The following RUFY2 variants were observed in gnomAD, a reference collection of about 807,000 sequenced individuals.
RUFY2 encodes RUN and FYVE domain containing 2.
In RUFY2, 49 loss-of-function variants were observed where a neutral mutation model predicts 94.4. The ratio of observed to expected loss-of-function variants is 0.52; its 90% CI spans 0.41 to 0.66. RUFY2 has a LOEUF of 0.66. Ranked by LOEUF, RUFY2 falls within the 30% of genes least tolerant of loss-of-function variation. The pLI, the probability that RUFY2 is intolerant of heterozygous loss-of-function variation, is 0.00. For missense variants in RUFY2, 541 were observed against 692.8 expected, an observed-to-expected ratio of 0.78 and a Z score of 2.46; for synonymous variants, 255 against 235.7, an observed-to-expected ratio of 1.08 and a Z score of -0.75.
intron 7 of RUFY2, among the ~76,000 whole-genome samples, chr10:68,387,452 A>G (rs2049594511): frequency 6.6e-6 from 1 of 152,224 alleles, no homozygotes; most frequent in South Asian, 2.1e-4. Flanking sequence ...ATGTTTCAGC[A>G]AAATCAACAA....
intron 15 of RUFY2, among the ~76,000 whole-genome samples, chr10:68,360,491 C>T (rs901825593): frequency 5.3e-5 from 8 of 152,038 alleles, no homozygotes; most frequent in Admixed American, 4.6e-4. Context: ...CGCCTGTAAT[C>T]CCAGCACTTT....
chr10:68,370,469 A>C (rs1349419074), intron 13 of RUFY2, among the ~76,000 whole-genome samples: 1 of 81,454 alleles, frequency 1.2e-5, no homozygotes, highest in African/African-American at 4.3e-5. Flanking sequence ...TTTTTTTTTG[A>C]GACAGAGTCT....
At chr10:68,378,468 A>G (rs892196352) in intron 12 of RUFY2, 7 of 1,345,194 alleles carry the variant, frequency 5.2e-6, no homozygotes, top group Admixed American at 6.9e-5. Context: ...ACATCCTTTT[A>G]GAATATTTAA....
intron 12 of RUFY2, chr10:68,377,359 T>C: frequency 9.4e-7 from 1 of 1,060,494 alleles, no homozygotes; most frequent in Non-Finnish European, 1.1e-6. Flanking sequence ...CTACACTAGG[T>C]GAAGAAGCCA....
At chr10:68,349,541 A>G (rs1163122051) in intron 16 of RUFY2, among the ~76,000 whole-genome samples, 3 of 151,630 alleles carry the variant, frequency 2.0e-5, no homozygotes, top group Admixed American at 1.3e-4. Flanking sequence ...TTTAAAGAAA[A>G]AAAAATTTTT....
At chr10:68,358,136 C>G (rs1295136680) in intron 15 of RUFY2, among the ~76,000 whole-genome samples, 1 of 152,080 alleles carries the variant, frequency 6.6e-6, no homozygotes, top group Non-Finnish European at 1.5e-5. Flanking sequence ...TGCAATGAGC[C>G]AAGATTGCAC....
intron 17 of RUFY2, 23 bp downstream of exon 17, chr10:68,345,984 G>T: frequency 1.2e-6 from 2 of 1,611,830 alleles, no homozygotes; most frequent in South Asian, 1.1e-5. Flanking sequence ...CAAATTTTTG[G>T]ACTCACTTCT....
At position 68,386,051 on chromosome 10, in the gene RUFY2, G is replaced by A. The variant is rs1219485544; in HGVS notation, c.720+8C>T. The A allele has an allele frequency of 6.3e-7, 1 of 1,582,978 alleles. No individual in the cohort carries two copies. The highest frequency in any genetic ancestry group is 1.3e-5 in the African/African-American group (1 of 74,100). On this transcript the variant is annotated splice_region_variant and intron_variant, in intron 8 of 17. Coordinates refer to ENST00000602465, the MANE Select transcript of RUFY2 (RefSeq NM_001330103.2). ...GTCCATGAAATACATTTATCCATTA[G>A]ACAATACCTCTTCAATCAGCTTAGT...
At chr10:68,405,815 C>T (rs1048237840) in intron 1 of RUFY2, 11 of 536,334 alleles carry the variant, frequency 2.1e-5, no homozygotes, top group African/African-American at 4.1e-5. Flanking sequence ...CATTAATGTT[C>T]CTCACCCATC....
At chr10:68,357,114 G>A (rs924123460) in intron 15 of RUFY2, among the ~76,000 whole-genome samples, 2 of 151,760 alleles carry the variant, frequency 1.3e-5, no homozygotes, top group African/African-American at 4.8e-5. Flanking sequence ...ATTGCACTGA[G>A]CCGAGATCGT....
intron 14 of RUFY2, 123 bp downstream of exon 14, chr10:68,363,861 T>C (rs1300955601): frequency 1.5e-5 from 13 of 867,760 alleles, no homozygotes; most frequent in Non-Finnish European, 2.1e-5. Flanking sequence ...TTAATCTCTT[T>C]ACTGATATTT....
At chr10:68,361,632 C>G (rs1371329815) in intron 15 of RUFY2, among the ~76,000 whole-genome samples, 4 of 152,186 alleles carry the variant, frequency 2.6e-5, no homozygotes, top group African/African-American at 9.6e-5. Context: ...AAGACAAAAA[C>G]AGCTTTATCT....
intron 16 of RUFY2, among the ~76,000 whole-genome samples, chr10:68,351,711 G>A (rs1474060105): frequency 6.7e-6 from 1 of 150,304 alleles, no homozygotes; most frequent in Non-Finnish European, 1.5e-5. Flanking sequence ...GCCTCCCAAA[G>A]TGCTGGGATT....
intron 13 of RUFY2, among the ~76,000 whole-genome samples, chr10:68,374,114 CAAAAA>C (rs34041522): frequency 3.4e-5 from 2 of 59,334 alleles, no homozygotes; most frequent in Non-Finnish European, 5.8e-5. Flanking sequence ...GATCCTGTCC[CAAAAA>C]AAAAAAAAAA....
rs1157139090 is a variant in RUFY2 at position 68,407,190 on chromosome 10, G to T, written c.-1C>A. Reference sequence around the variant, plus strand: ...GTTTCGGCCCGCTCGCCTTACCCATGGCGGCGGCGGCTGCGCGGTCTCGGG... The same window carrying T: ...GTTTCGGCCCGCTCGCCTTACCCATTGCGGCGGCGGCTGCGCGGTCTCGGG... On this transcript the variant is annotated 5_prime_UTR_variant, in exon 1 of 18. Coordinates refer to ENST00000602465, the MANE Select transcript of RUFY2 (RefSeq NM_001330103.2). 4 of 1,398,938 alleles carry T rather than the reference G, an allele frequency of 2.9e-6. No homozygotes were observed. The highest frequency in any genetic ancestry group is 1.5e-5 in the South Asian group (1 of 66,888). 86.7% of individuals were successfully genotyped at this position (1,398,938 alleles called of 1,614,324 possible). A position where few individuals can be genotyped will look rare whatever the true frequency, so the allele number is the denominator to read the frequency against.
chr10:68,406,784 T>G, intron 1 of RUFY2: 1 of 1,611,970 alleles, frequency 6.2e-7, no homozygotes. Flanking sequence ...ATTCCCCGTC[T>G]CCCGCCCTCG....
In RUFY2 at chr10:68,404,747, G is replaced by A. The variant is rs577050210; in HGVS notation, c.102C>T (p.Arg34=). ...AGGGGGGATAGTCAGAATCCAAAGTGCGGCCAAAGCTCAGAGCAGATTCAA... is the reference window on the plus strand; with the variant it reads ...AGGGGGGATAGTCAGAATCCAAAGTACGGCCAAAGCTCAGAGCAGATTCAA... ...GLIESALSFG[R]TLDSDYPPLQ... The change falls in exon 2 of 18, where the codon CGC becomes CGT. Residue 34 remains arginine (R), a synonymous_variant. Coordinates refer to ENST00000602465, the MANE Select transcript of RUFY2 (RefSeq NM_001330103.2). 13 of 1,613,338 alleles carry A rather than the reference G, an allele frequency of 8.1e-6. No individual in the cohort carries two copies. The African/African-American group carries it at 1.6e-4, about 20-fold the overall frequency.
chr10:68,354,849 CTT>C (rs11314109), intron 16 of RUFY2, among the ~76,000 whole-genome samples: 11,331 of 140,032 alleles, frequency 0.081, 559 homozygotes, highest in African/African-American at 0.15. Context: ...AGGTCAGTTT[CTT>C]TTTTTTTTTT....
chr10:68,370,506 G>A (rs1408627949), intron 13 of RUFY2, among the ~76,000 whole-genome samples: 7 of 133,182 alleles, frequency 5.3e-5, no homozygotes, highest in African/African-American at 2.0e-4. Flanking sequence ...AATTAGCCAA[G>A]CATAGTGGTG....
Sources: allele counts gnomAD v4.1 joint callset (sites outside exome capture counted in the v4.1 genomes callset), GRCh38; gene constraint gnomAD v4.1.1; transcripts MANE v1.5; gene names NCBI Gene and HGNC (gene_info 2026-07-23, HGNC 2026-07-21).